Variants in CARMIL2 observed in about 807,000 individuals in gnomAD.
CARMIL2 encodes the protein capping protein, Arp2/3 and myosin-I linker protein 2.
Under a neutral mutation model 173.3 loss-of-function variants are expected in CARMIL2, and 96 were observed. The ratio of observed to expected loss-of-function variants is 0.55; its 90% confidence interval spans 0.47 to 0.66. The LOEUF (loss-of-function observed/expected upper bound fraction) is 0.66. Among genes scored for constraint, CARMIL2 ranks in the 30% least tolerant of loss-of-function variants. The pLI is 0.00. For synonymous variants in CARMIL2, 830 were observed against 817.1 expected, an observed-to-expected ratio of 1.02 and a Z score of -0.27; for missense variants, 1,771 against 1,906.7, an observed-to-expected ratio of 0.93 and a Z score of 1.33.
rs1362604954 is a variant in CARMIL2, at chr16:67,651,897, A to C, written c.2589-24A>C. 1.2e-6 allele frequency: 2 copies of C among 1,612,922 alleles called. No individual in the cohort carries two copies. Among genetic ancestry groups the C allele is most frequent in the African/African-American group, 2.7e-5 (2 of 74,860 alleles). On this transcript the variant is annotated intron_variant, in intron 25 of 37. Coordinates refer to ENST00000334583, the MANE Select transcript of CARMIL2 (RefSeq NM_001013838.3). The surrounding 1 kb of genome is among the most constrained non-coding windows in gnomAD (Gnocchi z 4.2). ...AAGGCTGAGCAAAGCCAGCCCATTA[A>C]CCCCTGTCCTCTCCTGCCCTTAGGG...
At chr16:67,655,927 C>T (rs2052839503) in intron 32 of CARMIL2, 104 bp from the exon 33 acceptor site, 2 of 1,377,454 alleles carry the variant, frequency 1.5e-6, no homozygotes, top group Admixed American at 2.1e-5. Flanking sequence ...CTTGTCCAGC[C>T]CATGGTGGGC....
Position 67,646,264 on chromosome 16 carries a change from C to A in CARMIL2, c.328C>A (p.His110Asn), listed in dbSNP as rs1402651096. The change falls in exon 5 of 38, where the codon CAC becomes AAC. Residue 110 changes from histidine (H) to asparagine (N), a missense_variant. By Grantham distance (68) the His-to-Asn change is moderately conservative. Coordinates refer to ENST00000334583, the MANE Select transcript of CARMIL2 (RefSeq NM_001013838.3). The surrounding 1 kb of genome is among the most constrained non-coding windows in gnomAD (Gnocchi z 4.6). ...GVAALEQLAQ[H>N]VAAAIKKVFP... The stretch of plus-strand genomic sequence containing the variant: ...GGCCGCCCTGGAACAGCTGGCCCAG[C>A]ACGTGGCTGCAGCCATCAAGAAGGT... 6.2e-7 allele frequency: 1 copy of A among 1,613,622 alleles called. No individual in the cohort carries two copies. The highest frequency in any genetic ancestry group is 8.5e-7 in the Non-Finnish European group (1 of 1,179,860).
In CARMIL2 at chr16:67,649,702, G is replaced by T; in HGVS notation, c.1919+83G>T. On this transcript the variant is annotated intron_variant, in intron 20 of 37. Transcript: ENST00000334583. The surrounding 1 kb of genome is among the most constrained non-coding windows in gnomAD (Gnocchi z 6.7). ...ACCGGGCTAAGGGGAGGGACTGAAT[G>T]AGGCGGAGCAAATGGAGCAGGCTGA... 1 of 1,562,054 alleles carries T rather than the reference G, an allele frequency of 6.4e-7. No individual in the cohort carries two copies.
rs770593103 is a variant in CARMIL2, at chr16:67,648,190, G to A, written c.1210G>A (p.Gly404Arg). 1.0e-5 allele frequency: 16 copies of A among 1,607,800 alleles called. No individual in the cohort carries two copies. The East Asian group carries it at 3.3e-4, about 34-fold the overall frequency. Residue 404 changes from glycine (G) to arginine (R), a missense_variant, in exon 14 of 38, where the codon GGA becomes AGA. Transcript: ENST00000334583. The surrounding 1 kb of genome is among the most constrained non-coding windows in gnomAD (Gnocchi z 6.1). ...TGRADWRAGR[G>R]GLGPPAGVAN... ...CAGGGCGGACTGGAGGGCGGGACGG[G>A]GAGGGCTCGGTCCCCCCGCGGGTGT...
Position 67,656,448 on chromosome 16 carries a change from G to A in CARMIL2, c.3839G>A (p.Gly1280Glu). The A allele has an allele frequency of 1.2e-6, 2 of 1,610,240 alleles. No individual in the cohort carries two copies. The highest frequency in any genetic ancestry group is 8.5e-7 in the Non-Finnish European group (1 of 1,177,872). The change falls in exon 35 of 38, where the codon GGG becomes GAG. Residue 1280 changes from glycine (G) to glutamate (E), a missense_variant. By Grantham distance (98) the Gly-to-Glu change is moderately conservative. This residue lies in a region of CARMIL2 where 817 missense variants were observed against 903.5 expected (regional missense o/e 0.90). Transcript: ENST00000334583. ...SADPSCRPGP[G>E]SQGPESATWK... is the part of the protein sequence containing the mutation. The stretch of plus-strand genomic sequence containing the variant: ...GACCCTTCCTGCAGACCTGGCCCAG[G>A]GAGCCAGGGGCCTGAGTCTGCCACC...
At position 67,648,507 on chromosome 16, in the gene CARMIL2, G is replaced by C; in HGVS notation, c.1439+5G>C. On this transcript the variant is annotated splice_donor_5th_base_variant and intron_variant, in intron 15 of 37. Transcript: ENST00000334583. This position sits in a 1 kb window ranked among gnomAD's most constrained non-coding sequence, Gnocchi z 6.1. ...GCTGCCGCCCGACGCGCTCAGGTCAGTGTCGGACCCCGGCCACGCCCCCGC... is the reference window on the plus strand; with the variant it reads ...GCTGCCGCCCGACGCGCTCAGGTCACTGTCGGACCCCGGCCACGCCCCCGC... 6.8e-7 allele frequency: 1 copy of C among 1,465,054 alleles called. No individual in the cohort carries two copies. The highest frequency in any genetic ancestry group is 2.4e-4 in the Middle Eastern group (1 of 4,174). 90.8% of individuals were successfully genotyped at this position (1,465,054 alleles called of 1,614,324 possible).
At chr16:67,655,986 T>G (rs1597760757) in intron 32 of CARMIL2, 45 bp from the exon 33 acceptor site, 2 of 1,559,068 alleles carry the variant, frequency 1.3e-6, no homozygotes, top group Non-Finnish European at 1.7e-6. Flanking sequence ...GGCTAGGGTG[T>G]GGGGAGCGGG....
intron 32 of CARMIL2, 140 bp from the exon 33 acceptor site, chr16:67,655,888 TAAG>T: frequency 1.2e-6 from 1 of 837,596 alleles, no homozygotes. Context: ...CAAAGAGTTC[TAAG>T]AGGGCTGTAC....
In CARMIL2 at chr16:67,645,562, G is replaced by T; in HGVS notation, c.63G>T (p.Trp21Cys). The change falls in exon 2 of 38, where the codon TGG (tryptophan) becomes TGT (cysteine). Residue 21 changes from tryptophan (W) to cysteine (C), a missense_variant. Transcript: ENST00000334583. ...ELRGEITRFL[W>C]PKEVELLLKT... ...CAGGCGAGATCACCAGGTTCCTGTGGCCCAAAGAGGTGGAGCTGCTGCTGA... is the reference window on the plus strand; with the variant it reads ...CAGGCGAGATCACCAGGTTCCTGTGTCCCAAAGAGGTGGAGCTGCTGCTGA... 1 of 1,609,242 alleles carries T rather than the reference G, an allele frequency of 6.2e-7. No individual in the cohort carries two copies. The highest frequency in any genetic ancestry group is 2.2e-5 in the East Asian group (1 of 44,712).
In CARMIL2 at chr16:67,657,064, C is replaced by G. The variant is rs1167667155; in HGVS notation, c.4118-175C>G. 1 of 758,428 alleles carries G rather than the reference C, an allele frequency of 1.3e-6. No homozygotes were observed. The highest frequency in any genetic ancestry group is 1.8e-5 in the African/African-American group (1 of 56,932). 47.0% of individuals were successfully genotyped at this position (758,428 alleles called of 1,614,324 possible). ...CAAGCCCTTCCAACTAGCACTGGCT[C>G]CACTTCCCGAAGAGCAGCCTCTGCC... On this transcript the variant is annotated intron_variant, in intron 36 of 37. Coordinates refer to ENST00000334583, the MANE Select transcript of CARMIL2 (RefSeq NM_001013838.3). This position sits in a 1 kb window ranked among gnomAD's most constrained non-coding sequence, Gnocchi z 4.5.
intron 1 of CARMIL2, 112 bp from the exon 2 acceptor site, chr16:67,645,428 T>A: frequency 7.4e-7 from 1 of 1,356,934 alleles, no homozygotes; most frequent in Non-Finnish European, 1.0e-6. Context: ...TCCTCTCCCC[T>A]CCTTCCTCGC....
Position 67,654,796 on chromosome 16 carries a change from G to C in CARMIL2, c.3601G>C (p.Gly1201Arg). 6.2e-7 allele frequency: 1 copy of C among 1,613,476 alleles called. No homozygotes were observed. Residue 1201 changes from glycine to arginine, a missense_variant, in exon 32 of 38, where the codon GGA (glycine) becomes CGA (arginine). Gly to Arg is a moderately radical substitution (Grantham distance 125). Coordinates refer to ENST00000334583, the MANE Select transcript of CARMIL2 (RefSeq NM_001013838.3). ...TCCCTAGCGGCGGCCCCTGGAGCGG[G>C]GAGAAACAGAACTGGCTCCATCCTT... ...RPDKRRPLER[G>R]ETELAPSFEQ...
chr16:67,647,475 G>A (rs1274926807), intron 10 of CARMIL2, 33 bp from the exon 11 acceptor site: 2 of 1,573,966 alleles, frequency 1.3e-6, no homozygotes, highest in Non-Finnish European at 1.7e-6. Context: ...GCAAACCAGG[G>A]GCAGAATCTC....
Position 67,649,520 on chromosome 16 carries a change from C to G in CARMIL2, c.1820C>G (p.Thr607Ser), listed in dbSNP as rs377255294. 4 of 1,607,826 alleles carry G rather than the reference C, an allele frequency of 2.5e-6. No individual in the cohort carries two copies. The highest frequency in any genetic ancestry group is 3.4e-6 in the Non-Finnish European group (4 of 1,179,874). Residue 607 changes from threonine (T) to serine (S), a missense_variant, in exon 20 of 38, where the codon ACC becomes AGC. This residue lies in a region of CARMIL2 where 944 missense variants were observed against 975.6 expected (regional missense o/e 0.97). Transcript: ENST00000334583. The surrounding 1 kb of genome is among the most constrained non-coding windows in gnomAD (Gnocchi z 6.7). Reference sequence around the variant, plus strand: ...AGCGTCCTACTCCGGGCCCTAGCCACCAATCCTAACCTGACCGCGCTGGAT... The same window carrying G: ...AGCGTCCTACTCCGGGCCCTAGCCAGCAATCCTAACCTGACCGCGCTGGAT... ...GASVLLRALA[T>S]NPNLTALDIS...
chr16:67,649,960 GTCCATCAGGTGGGCGTCCCCCTCT>G lies in CARMIL2; in HGVS notation c.2078_2082+19del. The stretch of plus-strand genomic sequence containing the variant: ...CCGCCCGGAACTGACAGCACGTGCA[GTCCATCAGGTGGGCGTCCCCCTCT>G]TCCCTTGCCCTTCTCTGCACGGTAA... On this transcript the variant is annotated splice_donor_variant and splice_donor_5th_base_variant and coding_sequence_variant and intron_variant, in exon 21 of 38. Transcript: ENST00000334583. LOFTEE classifies it high-confidence loss of function. The surrounding 1 kb of genome is among the most constrained non-coding windows in gnomAD (Gnocchi z 6.7). 6.2e-7 allele frequency: 1 copy of G among 1,613,398 alleles called. No individual in the cohort carries two copies. The highest frequency in any genetic ancestry group is 8.5e-7 in the Non-Finnish European group (1 of 1,179,794).
rs1243703220 is a variant in CARMIL2, at chr16:67,652,093, C to T, written c.2676+85C>T. On this transcript the variant is annotated intron_variant, in intron 26 of 37. Coordinates refer to ENST00000334583, the MANE Select transcript of CARMIL2 (RefSeq NM_001013838.3). This position sits in a 1 kb window ranked among gnomAD's most constrained non-coding sequence, Gnocchi z 4.7. ...CTCCCTTGCAGGGGCTCTGTAATGT[C>T]TTCTGGGGTCATGTAGCCCAGGGCT... The T allele has an allele frequency of 8.7e-6, 14 of 1,600,438 alleles. No homozygotes were observed. Among genetic ancestry groups the T allele is most frequent in the Non-Finnish European group, 1.1e-5 (13 of 1,170,278 alleles).
intron 32 of CARMIL2, 98 bp downstream of exon 32, chr16:67,654,998 T>G: frequency 6.9e-7 from 1 of 1,459,220 alleles, no homozygotes; most frequent in Non-Finnish European, 9.4e-7. Context: ...CAGATAGGTC[T>G]AATTGTCAGT....
rs2052757289 is a variant in CARMIL2, at chr16:67,652,946, C to T, written c.2885-73C>T. ...CCTCCCCGCGCCCTGGGCGGGTCCC[C>T]CGCCGCCCTAGCGCCTCCGCCGCCA... On this transcript the variant is annotated intron_variant, in intron 28 of 37. Coordinates refer to ENST00000334583, the MANE Select transcript of CARMIL2 (RefSeq NM_001013838.3). The surrounding 1 kb of genome is among the most constrained non-coding windows in gnomAD (Gnocchi z 4.7). The T allele has an allele frequency of 5.4e-6, 4 of 734,318 alleles. No individual in the cohort carries two copies. The South Asian group carries it at 7.4e-5, about 14-fold the overall frequency. 45.5% of individuals were successfully genotyped at this position (734,318 alleles called of 1,614,324 possible).
chr16:67,647,790 GAGGGGA>G, intron 12 of CARMIL2, 24 bp downstream of exon 12: 1 of 1,076,624 alleles, frequency 9.3e-7, no homozygotes, highest in Admixed American at 2.1e-5. Flanking sequence ...GGGAGGGGGT[GAGGGGA>G]GGGGGGTGGG....
Sources: allele counts gnomAD v4.1 joint callset, GRCh38; gene constraint gnomAD v4.1.1; regional missense constraint gnomAD v4.1.1; non-coding constraint Gnocchi (gnomAD v3.1); transcripts MANE v1.5; gene names NCBI Gene and HGNC (gene_info 2026-07-23, HGNC 2026-07-21).